Variants in PPFIA2 observed in about 807,000 individuals in gnomAD.
The protein encoded by PPFIA2 is liprin-alpha-2.
A neutral mutation model predicts 175.5 loss-of-function variants in PPFIA2; 46 were observed. That is an observed-to-expected ratio of 0.26 (90% confidence interval 0.21 to 0.34). The LOEUF (loss-of-function observed/expected upper bound fraction) is 0.34. Among genes scored for constraint, PPFIA2 ranks in the 10% least tolerant of loss-of-function variants. The pLI is 1.00. For missense variants in PPFIA2, 1,179 were observed against 1,506.1 expected (o/e 0.78, Z 3.60); for synonymous variants, 568 against 511.4 (o/e 1.11, Z -1.49).
chr12:81,635,094 A>G (rs1487821594), intron 4 of PPFIA2, among the ~76,000 whole-genome samples: 1 of 152,192 alleles, frequency 6.6e-6, no homozygotes, highest in Non-Finnish European at 1.5e-5. Context: ...AAGTGTTTGC[A>G]TTTTATTCTA....
At chr12:81,525,636 C>T (rs1403058) in intron 4 of PPFIA2, among the ~76,000 whole-genome samples, 150,158 of 152,210 alleles carry the variant, frequency 0.99, 74,071 homozygotes, top group East Asian at 1. Flanking sequence ...GTGTCTAGAT[C>T]CCTGAACCAA....
In PPFIA2 at chr12:81,363,262, G is replaced by A. The variant is rs566462768; in HGVS notation, c.1546-478C>T. On this transcript the variant is annotated intron_variant, in intron 14 of 32. Coordinates refer to ENST00000549396, the MANE Select transcript of PPFIA2 (RefSeq NM_003625.5). Reference sequence around the variant, plus strand: ...CTGCATGAGATAGGCAACAATTGGAGGATTTTTTTAAAAAATATTAATTAA... The same window carrying A: ...CTGCATGAGATAGGCAACAATTGGAAGATTTTTTTAAAAAATATTAATTAA... Among the ~76,000 whole-genome samples the A allele has an allele frequency of 2.0e-5, 3 of 150,700 alleles. No homozygotes were observed. The South Asian group carries it at 6.3e-4, about 32-fold the overall frequency.
At chr12:81,649,433 G>A (rs2400959) in intron 4 of PPFIA2, among the ~76,000 whole-genome samples, 1 of 152,078 alleles carries the variant, frequency 6.6e-6, no homozygotes, top group Non-Finnish European at 1.5e-5. Context: ...TGAGGTTGTG[G>A]ATCAATTTAG....
chr12:81,640,483 T>C (rs966008755), intron 4 of PPFIA2, among the ~76,000 whole-genome samples: 9 of 152,160 alleles, frequency 5.9e-5, no homozygotes, highest in Non-Finnish European at 1.2e-4. Flanking sequence ...TTTGGCTGCT[T>C]GCTCTTTTCC....
At chr12:81,579,113 C>T (rs921788219) in intron 4 of PPFIA2, among the ~76,000 whole-genome samples, 6 of 151,764 alleles carry the variant, frequency 4.0e-5, no homozygotes, top group Admixed American at 1.3e-4. Flanking sequence ...GCTTTCTTTA[C>T]GACTTTTCTA....
intron 27 of PPFIA2, 79 bp from the exon 28 acceptor site, chr12:81,277,493 C>A: frequency 7.3e-7 from 1 of 1,364,628 alleles, no homozygotes; most frequent in South Asian, 1.8e-5. Flanking sequence ...TAGCCATAGT[C>A]AACACTATGC....
chr12:81,341,953 G>A (rs1707696633), intron 19 of PPFIA2, among the ~76,000 whole-genome samples: 1 of 151,710 alleles, frequency 6.6e-6, no homozygotes, highest in Non-Finnish European at 1.5e-5. Flanking sequence ...TTTATTACAG[G>A]GTATTTAAAA....
intron 4 of PPFIA2, among the ~76,000 whole-genome samples, chr12:81,594,550 T>C (rs2059037238): frequency 6.6e-6 from 1 of 152,202 alleles, no homozygotes; most frequent in Non-Finnish European, 1.5e-5. Flanking sequence ...TTGTTATTTA[T>C]GAAAGTTTCC....
chr12:81,445,844 CA>C, intron 5 of PPFIA2, 124 bp from the exon 6 acceptor site: 2 of 807,980 alleles, frequency 2.5e-6, no homozygotes, highest in Non-Finnish European at 3.7e-6. Context: ...GGTTACACTG[CA>C]AGCAGCAACA....
chr12:81,563,870 T>C (rs2070724651), intron 4 of PPFIA2, among the ~76,000 whole-genome samples: 1 of 152,194 alleles, frequency 6.6e-6, no homozygotes, highest in Non-Finnish European at 1.5e-5. Context: ...GGGGAAAAAG[T>C]ACACAAATAA....
intron 4 of PPFIA2, among the ~76,000 whole-genome samples, chr12:81,675,833 T>C (rs2153568935): frequency 6.6e-6 from 1 of 152,122 alleles, no homozygotes; most frequent in South Asian, 2.1e-4. Flanking sequence ...AGCCAATACA[T>C]TTTTCCACAT....
chr12:81,578,409 T>C (rs868838857), intron 4 of PPFIA2, among the ~76,000 whole-genome samples: 1 of 151,758 alleles, frequency 6.6e-6, no homozygotes, highest in Admixed American at 6.6e-5. Flanking sequence ...TTAGAATATC[T>C]TGTCTTTCAT....
chr12:81,698,506 A>C (rs2076135024), intron 3 of PPFIA2, among the ~76,000 whole-genome samples: 1 of 152,124 alleles, frequency 6.6e-6, no homozygotes, highest in African/African-American at 2.4e-5. Flanking sequence ...CCTTATTTAT[A>C]AATTAGCCTG....
At chr12:81,334,758 C>T (rs118043297) in intron 21 of PPFIA2, among the ~76,000 whole-genome samples, 1 of 152,268 alleles carries the variant, frequency 6.6e-6, no homozygotes, top group Non-Finnish European at 1.5e-5. Flanking sequence ...AATTGTCTGT[C>T]TGTTTTGATG....
chr12:81,595,112 C>T (rs770108377), intron 4 of PPFIA2, among the ~76,000 whole-genome samples: 19 of 151,614 alleles, frequency 1.3e-4, no homozygotes, highest in Non-Finnish European at 2.6e-4. Flanking sequence ...TGATTAACCA[C>T]TCAGTAGGGT....
intron 3 of PPFIA2, among the ~76,000 whole-genome samples, chr12:81,752,347 G>A (rs922890875): frequency 6.6e-6 from 1 of 152,160 alleles, no homozygotes; most frequent in Non-Finnish European, 1.5e-5. Flanking sequence ...AATCCTCCAA[G>A]AGAGTAAGCA....
At chr12:81,563,022 C>A (rs966918765) in intron 4 of PPFIA2, among the ~76,000 whole-genome samples, 14 of 152,068 alleles carry the variant, frequency 9.2e-5, no homozygotes, top group Non-Finnish European at 1.5e-4. Flanking sequence ...ATTGTCTAAA[C>A]AGAGATGTCA....
intron 4 of PPFIA2, among the ~76,000 whole-genome samples, chr12:81,539,168 T>C (rs2065849198): frequency 6.6e-6 from 1 of 151,962 alleles, no homozygotes; most frequent in African/African-American, 2.4e-5. Flanking sequence ...AGTTGAGAGA[T>C]GAAGTCCAAG....
In PPFIA2 at chr12:81,258,307, G is replaced by T. The variant is rs1311317645; in HGVS notation, c.*1387C>A. The T allele has an allele frequency of 6.6e-6, 1 of 152,054 alleles. No homozygotes were observed. The highest frequency in any genetic ancestry group is 1.5e-5 in the Non-Finnish European group (1 of 67,978). The allele number at this position is 152,054 out of a possible 1,614,324, so 9.4% of individuals were successfully genotyped here. ...TTTATTGACAATGGAAAGGGTTTCT[G>T]TTATCATTACCTTTTGACTGAATCT... On this transcript the variant is annotated 3_prime_UTR_variant, in exon 33 of 33. Transcript: ENST00000549396.
Sources: allele counts gnomAD v4.1 joint callset (sites outside exome capture counted in the v4.1 genomes callset), GRCh38; gene constraint gnomAD v4.1.1; transcripts MANE v1.5; gene names NCBI Gene and HGNC (gene_info 2026-07-23, HGNC 2026-07-21).